ABCB4: variants seen among roughly 807,000 people sequenced by gnomAD.
The protein encoded by ABCB4 is ATP binding cassette subfamily B member 4.
In ABCB4, 76 loss-of-function variants were observed where a neutral mutation model predicts 145.7. The observed-to-expected ratio is 0.52, with a 90% CI of 0.43 to 0.63. The LOEUF (loss-of-function observed/expected upper bound fraction) is 0.63. ABCB4 is among the 30% of genes least tolerant of loss of function. The pLI, the probability that ABCB4 is intolerant of heterozygous loss-of-function variation, is 0.00. For missense variants in ABCB4, 1,234 were observed against 1,553.1 expected (o/e 0.79, Z 3.45); for synonymous variants, 517 against 566.8 (o/e 0.91, Z 1.25).
At chr7:87,424,772 T>C (rs1244771676) in intron 16 of ABCB4, among the ~76,000 whole-genome samples, 4 of 152,302 alleles carry the variant, frequency 2.6e-5, no homozygotes, top group East Asian at 1.9e-4. Context: ...TTTATATTCC[T>C]AGAAAGTAGT....
downstream of ABCB4, chr7:87,398,694 GC>G: frequency 6.4e-7 from 1 of 1,571,154 alleles, no homozygotes; most frequent in South Asian, 1.1e-5. Flanking sequence ...TAAACTGAGT[GC>G]TGGGAGTGAG....
At chr7:87,431,718 T>C (rs2116611662) in intron 14 of ABCB4, among the ~76,000 whole-genome samples, 153 bp from the exon 15 acceptor site, 1 of 152,342 alleles carries the variant, frequency 6.6e-6, no homozygotes, top group East Asian at 1.9e-4. Flanking sequence ...AAGGCATCAC[T>C]CTTTATGAAA....
chr7:87,410,220 C>T (rs1273579441), intron 23 of ABCB4, among the ~76,000 whole-genome samples: 3 of 152,120 alleles, frequency 2.0e-5, no homozygotes, highest in Non-Finnish European at 4.4e-5. Context: ...TACAACTTCA[C>T]AAAGCAATTT....
chr7:87,426,996 A>AATGGATGTG, intron 15 of ABCB4, 76 bp from the exon 16 acceptor site: 2 of 1,311,306 alleles, frequency 1.5e-6, no homozygotes, highest in Non-Finnish European at 2.2e-6. Context: ...AATGGATGTA[A>AATGGATGTG]CCTCCAAGTT....
intron 9 of ABCB4, among the ~76,000 whole-genome samples, chr7:87,446,631 G>T (rs1454864659): frequency 6.6e-6 from 1 of 152,130 alleles, no homozygotes; most frequent in Non-Finnish European, 1.5e-5. Context: ...ATTTCAGAGA[G>T]CTGATTGTTT....
the ABCB4 span, among the ~76,000 whole-genome samples, chr7:87,385,628 G>T: frequency 6.6e-6 from 1 of 152,110 alleles, no homozygotes; most frequent in South Asian, 2.1e-4. Context: ...CTGCAGACAG[G>T]ACAATTTGAC....
At chr7:87,447,632 C>T (rs1230151069) in intron 8 of ABCB4, among the ~76,000 whole-genome samples, 1 of 152,174 alleles carries the variant, frequency 6.6e-6, no homozygotes, top group South Asian at 2.1e-4. Flanking sequence ...GTCAATGTCT[C>T]TTCTCTGGAG....
In ABCB4 at chr7:87,447,206, C is replaced by T. The variant is rs752563752; in HGVS notation, c.834-1G>A. On this transcript the variant is annotated splice_acceptor_variant, in intron 8 of 27. Transcript: ENST00000649586. LOFTEE classifies it high-confidence loss of function. ...GGCATTTTCTAAATGTTTCTGATAC[C>T]TACCAGAAAAATGAGAGGGAAAACA... The T allele has an allele frequency of 1.1e-5, 17 of 1,612,132 alleles. No individual in the cohort carries two copies. Among genetic ancestry groups the T allele is most frequent in the Non-Finnish European group, 1.4e-5 (17 of 1,178,574 alleles).
chr7:87,398,048 A>G (rs911223220), downstream of ABCB4, among the ~76,000 whole-genome samples: 6 of 149,382 alleles, frequency 4.0e-5, no homozygotes, highest in Non-Finnish European at 8.9e-5. Context: ...TGATCCCAAG[A>G]GTTTCTCTTT....
downstream of ABCB4, among the ~76,000 whole-genome samples, chr7:87,398,088 A>G (rs1318877621): frequency 2.2e-5 from 3 of 136,670 alleles, no homozygotes; most frequent in East Asian, 2.1e-4. Context: ...TTTCTCACCT[A>G]TCATCCTTCT....
chr7:87,423,881 T>C (rs1398053656), intron 17 of ABCB4, 25 bp downstream of exon 17: 2 of 1,613,930 alleles, frequency 1.2e-6, no homozygotes, highest in African/African-American at 1.3e-5. Context: ...TAATTCAGGC[T>C]GTTATGTGGT....
chr7:87,428,298 G>A (rs1809974445), intron 15 of ABCB4, among the ~76,000 whole-genome samples: 1 of 152,044 alleles, frequency 6.6e-6, no homozygotes, highest in African/African-American at 2.4e-5. Flanking sequence ...AAAGGTCATT[G>A]AGCTCCAAGC....
intron 20 of ABCB4, 36 bp from the exon 21 acceptor site, chr7:87,417,551 A>G: frequency 6.3e-7 from 1 of 1,581,250 alleles, no homozygotes; most frequent in South Asian, 1.1e-5. Context: ...CTGTAGTTTT[A>G]AGCTCCAAAT....
intron 14 of ABCB4, among the ~76,000 whole-genome samples, chr7:87,434,316 T>C (rs1182402489): frequency 6.6e-6 from 1 of 152,094 alleles, no homozygotes; most frequent in African/African-American, 2.4e-5. Context: ...TGAAACTGTA[T>C]TGCCTTTCTT....
chr7:87,425,967 T>G (rs1312052178), intron 16 of ABCB4, among the ~76,000 whole-genome samples: 1 of 152,180 alleles, frequency 6.6e-6, no homozygotes, highest in African/African-American at 2.4e-5. Flanking sequence ...TTTCTCACCA[T>G]TCTCCTCTTT....
At chr7:87,437,726 G>A (rs45620331) in intron 14 of ABCB4, among the ~76,000 whole-genome samples, 1 of 152,026 alleles carries the variant, frequency 6.6e-6, no homozygotes, top group African/African-American at 2.4e-5. Context: ...GTTAGTTAAC[G>A]TGCCCAAGGA....
At chr7:87,423,788 G>A (rs761412736) in intron 17 of ABCB4, 118 bp downstream of exon 17, 52 of 1,273,876 alleles carry the variant, frequency 4.1e-5, no homozygotes, top group Non-Finnish European at 5.8e-5. Context: ...TAAGGACTTT[G>A]GCTTAGTTTA....
intron 9 of ABCB4, among the ~76,000 whole-genome samples, chr7:87,446,733 G>A (rs1333216490): frequency 6.6e-6 from 1 of 152,136 alleles, no homozygotes; most frequent in African/African-American, 2.4e-5. Flanking sequence ...AACGGCAGAG[G>A]GAGGATGGCT....
At chr7:87,391,563 T>TA in the ABCB4 span, 1 of 1,579,990 alleles carries the variant, frequency 6.3e-7, no homozygotes, top group African/African-American at 1.4e-5. Context: ...TTTCTTATGA[T>TA]ACACTCTTTT....
Sources: allele counts gnomAD v4.1 joint callset (sites outside exome capture counted in the v4.1 genomes callset), GRCh38; gene constraint gnomAD v4.1.1; transcripts MANE v1.5; gene names NCBI Gene and HGNC (gene_info 2026-07-23, HGNC 2026-07-21).